The following SPICE1 variants were observed in gnomAD, a reference collection of about 807,000 sequenced individuals.
SPICE1 encodes the protein spindle and centriole associated protein 1.
In SPICE1, 75 loss-of-function variants were observed where a neutral mutation model predicts 102.7. The ratio of observed to expected loss-of-function variants is 0.73; its 90% CI spans 0.61 to 0.88. SPICE1 has a LOEUF of 0.88. SPICE1 is among the 40% of genes least tolerant of loss of function. SPICE1 has a pLI of 0.00. For missense variants in SPICE1, 979 were observed against 1,020.1 expected (o/e 0.96, Z 0.55); for synonymous variants, 308 against 350.3 (o/e 0.88, Z 1.35).
At chr3:113,459,921 A>G (rs539009783) in intron 12 of SPICE1, 3 of 985,294 alleles carry the variant, frequency 3.0e-6, no homozygotes, top group Non-Finnish European at 3.6e-6. Context: ...ACTCCACCAG[A>G]AGACAGAGAT....
intron 7 of SPICE1, among the ~76,000 whole-genome samples, chr3:113,483,591 T>G (rs2107484401): frequency 6.6e-6 from 1 of 152,200 alleles, no homozygotes; most frequent in East Asian, 1.9e-4. Context: ...CATGAAGGGG[T>G]GTTGAATTTT....
At chr3:113,460,348 G>A (rs1935901568) in intron 12 of SPICE1, 1 of 903,744 alleles carries the variant, frequency 1.1e-6, no homozygotes, top group South Asian at 5.1e-5. Context: ...TTCCTCTAAG[G>A]ATAACACCAA....
intron 13 of SPICE1, among the ~76,000 whole-genome samples, chr3:113,455,132 T>C (rs1323090956): frequency 1.3e-5 from 2 of 152,206 alleles, no homozygotes; most frequent in Non-Finnish European, 2.9e-5. Flanking sequence ...CAAATAAATA[T>C]CAGTTTCTTT....
chr3:113,488,198 T>C (rs1936688018), intron 7 of SPICE1, among the ~76,000 whole-genome samples: 1 of 152,218 alleles, frequency 6.6e-6, no homozygotes, highest in South Asian at 2.1e-4. Flanking sequence ...GTGATCATTG[T>C]ACTGTGATTT....
At chr3:113,485,180 T>TTG (rs1311684365) in intron 7 of SPICE1, among the ~76,000 whole-genome samples, 2 of 151,340 alleles carry the variant, frequency 1.3e-5, no homozygotes, top group East Asian at 1.9e-4. Flanking sequence ...TTGTTTGTTT[T>TTG]TTTTTTTTTT....
chr3:113,491,372 G>A (rs1015311370), intron 6 of SPICE1, among the ~76,000 whole-genome samples: 1 of 152,028 alleles, frequency 6.6e-6, no homozygotes, highest in African/African-American at 2.4e-5. Flanking sequence ...TGTAATCCCA[G>A]CACTTTGGGA....
intron 17 of SPICE1, among the ~76,000 whole-genome samples, chr3:113,445,886 T>C (rs556905201): frequency 7.2e-5 from 11 of 152,276 alleles, no homozygotes; most frequent in Admixed American, 3.9e-4. Flanking sequence ...TAATAAGAAA[T>C]GCAAAGATTT....
chr3:113,449,458 T>C (rs921079279), intron 15 of SPICE1: 6 of 152,220 alleles, frequency 3.9e-5, no homozygotes, highest in African/African-American at 1.4e-4. Context: ...TGAGGAAGCC[T>C]AGAATAAACA....
chr3:113,498,952 A>AC (rs1553770255), intron 4 of SPICE1: 3 of 151,710 alleles, frequency 2.0e-5, no homozygotes, highest in Non-Finnish European at 4.4e-5. Flanking sequence ...ATACAACATC[A>AC]TTTTTTTTTC....
chr3:113,468,160 G>C lies in SPICE1; in HGVS notation c.1134C>G (p.Arg378=), dbSNP rs754720412. The stretch of plus-strand genomic sequence containing the variant: ...TTACCTCTTTAAGGTACCGAACCAG[G>C]CGACAGAGGGAGCTCACCAGCGACA... The part of the protein sequence containing the change: ...FTLSLVSSLC[R]LVRYLKESEI... The change falls in exon 10 of 18, where the codon CGC becomes CGG. Residue 378 remains arginine, a synonymous_variant. Coordinates refer to ENST00000295872, the MANE Select transcript of SPICE1 (RefSeq NM_144718.4). 6.2e-7 allele frequency: 1 copy of C among 1,614,004 alleles called. No individual in the cohort carries two copies. The highest frequency in any genetic ancestry group is 1.3e-5 in the African/African-American group (1 of 74,902).
At chr3:113,508,076 G>A (rs990075820) in intron 1 of SPICE1, among the ~76,000 whole-genome samples, 14 of 152,068 alleles carry the variant, frequency 9.2e-5, no homozygotes, top group African/African-American at 2.9e-4. Context: ...AACTGGATAC[G>A]CATATGAAAA....
At chr3:113,466,925 T>C (rs1171318053) in intron 10 of SPICE1, among the ~76,000 whole-genome samples, 1 of 151,722 alleles carries the variant, frequency 6.6e-6, no homozygotes, top group Admixed American at 6.5e-5. Context: ...GGCATGCACC[T>C]GTGGTCCCAG....
At chr3:113,481,620 G>T (rs60634072) in intron 7 of SPICE1, among the ~76,000 whole-genome samples, 11 of 150,098 alleles carry the variant, frequency 7.3e-5, no homozygotes, top group Admixed American at 3.3e-4. Context: ...CCCTGTGTCC[G>T]TGTGTTCTCA....
intron 7 of SPICE1, among the ~76,000 whole-genome samples, chr3:113,488,067 T>C (rs1936684336): frequency 6.6e-6 from 1 of 152,124 alleles, no homozygotes; most frequent in African/African-American, 2.4e-5. Context: ...ATATAATAAG[T>C]GATTACGATT....
rs547748798 is a variant in SPICE1 at position 113,443,612 on chromosome 3, T to G, written c.*1695A>C. ...TAATGGCTCAATAAGGAACAGCTAT[T>G]CTTATTATTATGCTGCTTCCATACT... On this transcript the variant is annotated 3_prime_UTR_variant, in exon 18 of 18. Coordinates refer to ENST00000295872, the MANE Select transcript of SPICE1 (RefSeq NM_144718.4). 6.6e-6 allele frequency: 1 copy of G among 151,074 alleles called. No homozygotes were observed. The highest frequency in any genetic ancestry group is 2.1e-4 in the South Asian group (1 of 4,826). 9.4% of individuals were successfully genotyped at this position (151,074 alleles called of 1,614,324 possible).
At chr3:113,504,015 T>C (rs1273172231) in intron 2 of SPICE1, among the ~76,000 whole-genome samples, 2 of 150,976 alleles carry the variant, frequency 1.3e-5, no homozygotes, top group Non-Finnish European at 2.9e-5. Flanking sequence ...GCATAGATGC[T>C]ACTACAATGG....
At chr3:113,508,712 C>T (rs1440722874) in intron 1 of SPICE1, among the ~76,000 whole-genome samples, 1 of 152,092 alleles carries the variant, frequency 6.6e-6, no homozygotes, top group Non-Finnish European at 1.5e-5. Flanking sequence ...CCTCAAGAAG[C>T]TAAACACAGA....
rs190709396 is a variant in SPICE1, at chr3:113,499,450, T to C, written c.280A>G (p.Ile94Val). 98 of 1,612,776 alleles carry C rather than the reference T, an allele frequency of 6.1e-5. 1 individual carries two copies. In the East Asian group the frequency reaches 1.3e-3, roughly 21 times the overall value. The part of the protein sequence containing the change: ...TLNLEKRRLS[I>V]MKEILSDQYQ... ...CAGTTTAGCATTACCTCCTTCATGA[T>C]AGACAATCTTCTTTTCTCAAGATTT... The change falls in exon 4 of 18, where the codon ATC (isoleucine) becomes GTC (valine). Residue 94 changes from isoleucine (I) to valine (V), a missense_variant. By Grantham distance (29) the Ile-to-Val change is conservative. Transcript: ENST00000295872.
At chr3:113,481,096 A>C (rs954343756) in intron 7 of SPICE1, among the ~76,000 whole-genome samples, 9 of 152,202 alleles carry the variant, frequency 5.9e-5, no homozygotes, top group Non-Finnish European at 1.3e-4. Flanking sequence ...TGAAAGACTT[A>C]GATAACAAGG....
Sources: gnomAD v4.1 joint callset for allele counts (sites outside exome capture counted in the v4.1 genomes callset) on GRCh38, gnomAD v4.1.1 for gene constraint, MANE v1.5 for transcripts, NCBI Gene and HGNC (gene_info 2026-07-23, HGNC 2026-07-21) for gene names.